STXBP5L: variants seen among roughly 807,000 people sequenced by gnomAD.
The protein encoded by STXBP5L is syntaxin binding protein 5L, also known as syntaxin-binding protein 5-like.
Under a neutral mutation model 144.5 loss-of-function variants are expected in STXBP5L, and 65 were observed. The observed-to-expected ratio is 0.45, with a 90% confidence interval of 0.37 to 0.55. STXBP5L has a LOEUF of 0.55. STXBP5L is among the 20% of genes least tolerant of loss of function. The probability of loss-of-function intolerance (pLI) is 0.00; values close to 1 mark genes in which losing one functional copy is unlikely to be tolerated. For synonymous variants in STXBP5L, 505 were observed against 469.6 expected (o/e 1.08, Z -0.97); for missense variants, 1,298 against 1,405.5 (o/e 0.92, Z 1.22).
At chr3:121,083,161 T>A (rs1463155239) in intron 5 of STXBP5L, among the ~76,000 whole-genome samples, 1 of 151,970 alleles carries the variant, frequency 6.6e-6, no homozygotes, top group Non-Finnish European at 1.5e-5. Context: ...ATTTCGCCAC[T>A]GCACTCCAGC....
chr3:121,070,502 C>A (rs978472392), intron 5 of STXBP5L, among the ~76,000 whole-genome samples: 12 of 152,150 alleles, frequency 7.9e-5, no homozygotes, highest in African/African-American at 2.9e-4. Context: ...ATTACTACTA[C>A]TATTAGGTTA....
intron 12 of STXBP5L, among the ~76,000 whole-genome samples, chr3:121,238,149 G>A (rs1375210076): frequency 6.6e-6 from 1 of 151,930 alleles, no homozygotes; most frequent in African/African-American, 2.4e-5. Flanking sequence ...TCTGTTTTGT[G>A]TTACTAAAAG....
At chr3:121,036,772 A>ATTTTTTTTTTT (rs3863971) in intron 3 of STXBP5L, among the ~76,000 whole-genome samples, 9 of 122,176 alleles carry the variant, frequency 7.4e-5, no homozygotes, top group Non-Finnish European at 1.3e-4. Context: ...ACATTGATTG[A>ATTTTTTTTTTT]TTTTTTTTTT....
chr3:121,292,240 G>C (rs536265561), intron 19 of STXBP5L, among the ~76,000 whole-genome samples: 1 of 152,206 alleles, frequency 6.6e-6, no homozygotes, highest in East Asian at 1.9e-4. Flanking sequence ...TTAAAGACAT[G>C]AATAGACAAT....
intron 22 of STXBP5L, among the ~76,000 whole-genome samples, chr3:121,404,919 A>T (rs2046962227): frequency 6.6e-6 from 1 of 152,104 alleles, no homozygotes; most frequent in Non-Finnish European, 1.5e-5. Flanking sequence ...ACAGTTCTGG[A>T]GACTGAAACT....
intron 5 of STXBP5L, among the ~76,000 whole-genome samples, chr3:121,054,887 C>T (rs555643227): frequency 6.7e-6 from 1 of 148,740 alleles, no homozygotes; most frequent in Non-Finnish European, 1.5e-5. Flanking sequence ...TGACTGTATA[C>T]TTTTATGTGG....
At position 121,094,594 on chromosome 3, in the gene STXBP5L, C is replaced by T. The variant is rs567552647; in HGVS notation, c.471-20331C>T. Among the ~76,000 whole-genome samples, 77 of 152,016 alleles carry T rather than the reference C, an allele frequency of 5.1e-4. 3 individuals are homozygous for T. The highest frequency in any genetic ancestry group is 4.4e-3 in the South Asian group (21 of 4,804). On this transcript the variant is annotated intron_variant, in intron 5 of 26. Transcript: ENST00000471454. ...GTTTTATCAGAGACTAGGATTGCAA[C>T]CCCTGCCTTTTTTTGTTTTCCATTT...
chr3:121,138,112 G>A (rs1039233812), intron 7 of STXBP5L, among the ~76,000 whole-genome samples: 2 of 151,998 alleles, frequency 1.3e-5, no homozygotes, highest in Non-Finnish European at 2.9e-5. Flanking sequence ...AAAGTCAGTA[G>A]TATATGTATA....
intron 19 of STXBP5L, among the ~76,000 whole-genome samples, chr3:121,287,100 A>T (rs1442841440): frequency 6.6e-6 from 1 of 152,248 alleles, no homozygotes; most frequent in East Asian, 1.9e-4. Flanking sequence ...GTAAAGAGCC[A>T]TCTGAAAGGA....
At chr3:121,257,601 A>G (rs1315488611) in intron 17 of STXBP5L, among the ~76,000 whole-genome samples, 2 of 152,170 alleles carry the variant, frequency 1.3e-5, no homozygotes, top group East Asian at 3.8e-4. Flanking sequence ...CAGGGCAGAA[A>G]CTTGGTGACA....
At chr3:121,021,174 G>T (rs953742101) in intron 3 of STXBP5L, among the ~76,000 whole-genome samples, 2 of 151,810 alleles carry the variant, frequency 1.3e-5, no homozygotes, top group South Asian at 2.1e-4. Flanking sequence ...AAAAAGAGGG[G>T]CATTGTATAA....
chr3:121,089,581 C>T (rs1281169069), intron 5 of STXBP5L, among the ~76,000 whole-genome samples: 1 of 151,564 alleles, frequency 6.6e-6, no homozygotes, highest in Non-Finnish European at 1.5e-5. Context: ...TGTGATTTGT[C>T]TGACTGTTTA....
intron 9 of STXBP5L, among the ~76,000 whole-genome samples, chr3:121,168,016 C>T (rs1050840586): frequency 6.6e-6 from 1 of 152,178 alleles, no homozygotes; most frequent in African/African-American, 2.4e-5. Flanking sequence ...TCTGCAGCCA[C>T]CACTGGTGAT....
rs1374973569 is a variant in STXBP5L, at chr3:121,003,133, T to A, written c.288-38567T>A. Among the ~76,000 whole-genome samples, 3 of 152,198 alleles carry A rather than the reference T, an allele frequency of 2.0e-5. No individual in the cohort carries two copies. In the East Asian group the frequency reaches 5.8e-4, roughly 29 times the overall value. On this transcript the variant is annotated intron_variant, in intron 3 of 26. Transcript: ENST00000471454. Reference sequence around the variant, plus strand: ...CTAGATCCCCGAGGAATTGCCACACTGACTTCCACAATGGTTGAACTAGTT... The same window carrying A: ...CTAGATCCCCGAGGAATTGCCACACAGACTTCCACAATGGTTGAACTAGTT...
intron 20 of STXBP5L, among the ~76,000 whole-genome samples, chr3:121,372,696 C>T (rs536194147): frequency 1.3e-5 from 2 of 152,098 alleles, no homozygotes; most frequent in Non-Finnish European, 2.9e-5. Flanking sequence ...AATGCCTTCC[C>T]TCTGAAGATC....
intron 5 of STXBP5L, among the ~76,000 whole-genome samples, chr3:121,105,486 C>A (rs576604049): frequency 6.6e-6 from 1 of 151,954 alleles, no homozygotes; most frequent in Non-Finnish European, 1.5e-5. Flanking sequence ...CAGGGAAATG[C>A]AAATCAAAAC....
chr3:120,990,494 C>T (rs1227339276), intron 3 of STXBP5L, among the ~76,000 whole-genome samples: 2 of 152,066 alleles, frequency 1.3e-5, no homozygotes, highest in African/African-American at 2.4e-5. Context: ...GAGCCCACAT[C>T]GCCAAGTCAA....
chr3:121,178,506 C>A lies in STXBP5L; in HGVS notation c.877+20879C>A, dbSNP rs185157678. ...AGCATCTTTTGATGACACTGAAGTA[C>A]AATAAAATTAATTTAAAAAATAAAT... On this transcript the variant is annotated intron_variant, in intron 9 of 26. Transcript: ENST00000471454. Among the ~76,000 whole-genome samples, 645 of 151,940 alleles carry A rather than the reference C, an allele frequency of 4.2e-3. 5 individuals are homozygous for A. Among genetic ancestry groups the A allele is most frequent in the African/African-American group, 0.015 (615 of 41,442 alleles).
At chr3:121,042,386 T>TA (rs1947221440) in intron 4 of STXBP5L, among the ~76,000 whole-genome samples, 1 of 152,188 alleles carries the variant, frequency 6.6e-6, no homozygotes, top group Admixed American at 6.6e-5. Context: ...ATTCCATTAG[T>TA]AGAAGGCTAC....
Sources: allele counts gnomAD v4.1 joint callset (sites outside exome capture counted in the v4.1 genomes callset), GRCh38; gene constraint gnomAD v4.1.1; transcripts MANE v1.5; gene names NCBI Gene and HGNC (gene_info 2026-07-23, HGNC 2026-07-21).